PRRC2B: variants seen among roughly 807,000 people sequenced by gnomAD.
The protein encoded by PRRC2B is proline rich coiled-coil 2B.
A neutral mutation model predicts 242.3 loss-of-function variants in PRRC2B; 68 were observed. That is an observed-to-expected ratio of 0.28 (90% CI 0.23 to 0.34). The LOEUF (loss-of-function observed/expected upper bound fraction) is 0.34. Ranked by LOEUF, PRRC2B falls within the 10% of genes least tolerant of loss-of-function variation. The probability of loss-of-function intolerance (pLI) is 1.00; values close to 1 mark genes in which losing one functional copy is unlikely to be tolerated. For synonymous variants in PRRC2B, 1,228 were observed against 1,173.6 expected (o/e 1.05, Z -0.95); for missense variants, 2,835 against 2,954.8 (o/e 0.96, Z 0.94).
intron 1 of PRRC2B, among the ~76,000 whole-genome samples, chr9:131,383,043 T>TC (rs34901643): frequency 6.6e-6 from 1 of 152,082 alleles, no homozygotes; most frequent in African/African-American, 2.4e-5. Flanking sequence ...GCTCAGACAC[T>TC]CCCATCCCCA....
chr9:131,392,917 C>CA (rs11317627), upstream of PRRC2B, among the ~76,000 whole-genome samples: 14,801 of 91,474 alleles, frequency 0.16, 993 homozygotes, highest in South Asian at 0.27. Flanking sequence ...GAGACTGTCT[C>CA]AAAAAAAAAA....
chr9:131,488,090 C>A lies in PRRC2B; in HGVS notation c.6219C>A (p.Leu2073=). 1 of 1,612,480 alleles carries A rather than the reference C, an allele frequency of 6.2e-7. No homozygotes were observed. The highest frequency in any genetic ancestry group is 1.3e-5 in the African/African-American group (1 of 75,014). The stretch of plus-strand genomic sequence containing the variant: ...CCTCCCAGATGTTGGACTCCCAGCT[C>A]CCACAGGTCAGGAATTCAGTCACTC... ...LGASQMLDSQ[L]PQLTMPLPRY... Residue 2073 remains leucine, a synonymous_variant, in exon 28 of 32, where the codon CTC becomes CTA. Coordinates refer to ENST00000683519, the MANE Select transcript of PRRC2B (RefSeq NM_013318.4).
chr9:131,394,870 C>G (rs1172160039), intron 1 of PRRC2B, among the ~76,000 whole-genome samples: 1 of 151,696 alleles, frequency 6.6e-6, no homozygotes, highest in Non-Finnish European at 1.5e-5. Context: ...AGTGCGGGAA[C>G]CAGAGGGTTA....
intron 11 of PRRC2B, among the ~76,000 whole-genome samples, chr9:131,464,162 G>A (rs1464123731): frequency 3.9e-5 from 6 of 152,214 alleles, no homozygotes; most frequent in East Asian, 1.9e-4. Flanking sequence ...GGCTGGTCTC[G>A]AACTCCTGAC....
chr9:131,478,695 G>A lies in PRRC2B; in HGVS notation c.4758+76G>A, dbSNP rs543604910. 49 of 1,064,978 alleles carry A rather than the reference G, an allele frequency of 4.6e-5. No individual in the cohort carries two copies. In the African/African-American group the frequency reaches 7.7e-4, roughly 17 times the overall value. The allele number at this position is 1,064,978 out of a possible 1,614,324, so 66.0% of individuals were successfully genotyped here. ...TGCCCAGGAAACCCAGAGCCAGAGG[G>A]TAAGGGAGTTCTCGGTCAAGCTCAA... On this transcript the variant is annotated intron_variant, in intron 18 of 31. Transcript: ENST00000683519.
Position 131,475,136 on chromosome 9 carries a change from T to A in PRRC2B, c.3007T>A (p.Leu1003Met). Residue 1003 changes from leucine to methionine, a missense_variant, in exon 16 of 32, where the codon TTG (leucine) becomes ATG (methionine). Around this residue, in one of 7 missense-constraint regions of PRRC2B, gnomAD observed 1,536 missense variants for 1,483.1 expected, o/e 1.04. Coordinates refer to ENST00000683519, the MANE Select transcript of PRRC2B (RefSeq NM_013318.4). ...ASLANSSTTT[L>M]EDKGPGHATF... is the part of the protein sequence containing the mutation. ...TCTGGCCAACTCCTCCACCACCACT[T>A]TGGAGGACAAAGGCCCTGGCCATGC... 2.5e-6 allele frequency: 4 copies of A among 1,612,894 alleles called. No homozygotes were observed. Among genetic ancestry groups the A allele is most frequent in the Non-Finnish European group, 2.5e-6 (3 of 1,179,468 alleles).
At position 131,439,188 on chromosome 9, in the gene PRRC2B, G is replaced by A. The variant is rs145672572; in HGVS notation, c.469+127G>A. 1,543 of 750,120 alleles carry A rather than the reference G, an allele frequency of 2.1e-3. 4 individuals are homozygous for A. The highest frequency in any genetic ancestry group is 2.8e-3 in the Non-Finnish European group (1,222 of 433,398). 46.5% of individuals were successfully genotyped at this position (750,120 alleles called of 1,614,324 possible). A position where few individuals can be genotyped will look rare whatever the true frequency, so the allele number is the denominator to read the frequency against. ...GGACTCTCTTCCACAAAGAGGTACC[G>A]TCTATGGAGCCCTTGCCTGTGCACA... On this transcript the variant is annotated intron_variant, in intron 5 of 31. Coordinates refer to ENST00000683519, the MANE Select transcript of PRRC2B (RefSeq NM_013318.4).
chr9:131,427,844 T>C (rs1282595629), intron 1 of PRRC2B, among the ~76,000 whole-genome samples: 3 of 152,246 alleles, frequency 2.0e-5, no homozygotes, highest in Non-Finnish European at 1.5e-5. Flanking sequence ...ATGTTAAACA[T>C]ATGCCTTAAT....
chr9:131,419,626 G>C (rs1837744326), intron 1 of PRRC2B, among the ~76,000 whole-genome samples: 1 of 152,202 alleles, frequency 6.6e-6, no homozygotes, highest in Admixed American at 6.5e-5. Context: ...CTGAGGACAA[G>C]TGCTGGGTCA....
Position 131,408,721 on chromosome 9 carries a change from C to CT in PRRC2B, c.-52+14472dup, listed in dbSNP as rs554150264. Among the ~76,000 whole-genome samples the CT allele has an allele frequency of 3.4e-3, 484 of 143,686 alleles. 2 individuals are homozygous for CT. The highest frequency in any genetic ancestry group is 0.012 in the South Asian group (53 of 4,496). 94.3% of individuals were successfully genotyped at this position (143,686 alleles called of 152,430 possible). A position where few individuals can be genotyped will look rare whatever the true frequency, so the allele number is the denominator to read the frequency against. On this transcript the variant is annotated intron_variant, in intron 1 of 31. Transcript: ENST00000683519. ...TGTTTTCTTGTGCACACATTAGTATCTTTTTTTTTTTTTTGAGACAGAGTT... is the reference window on the plus strand; with the variant it reads ...TGTTTTCTTGTGCACACATTAGTATCTTTTTTTTTTTTTTTGAGACAGAGTT...
chr9:131,478,663 T>C, intron 18 of PRRC2B, 44 bp downstream of exon 18: 1 of 1,392,966 alleles, frequency 7.2e-7, no homozygotes. Flanking sequence ...GAGGGCAGGC[T>C]GGCAGATGCC....
At chr9:131,447,878 C>T in intron 9 of PRRC2B, 74 bp downstream of exon 9, 2 of 1,469,656 alleles carry the variant, frequency 1.4e-6, no homozygotes, top group Non-Finnish European at 1.8e-6. Flanking sequence ...ATGGAAACCC[C>T]CTGGCACCAC....
At chr9:131,426,828 CCACT>C (rs1837989142) in intron 1 of PRRC2B, among the ~76,000 whole-genome samples, 1 of 152,204 alleles carries the variant, frequency 6.6e-6, no homozygotes, top group African/African-American at 2.4e-5. Context: ...TTGGGCTTGG[CCACT>C]GAATGTGGGC....
rs36119236 is a variant in PRRC2B, at chr9:131,429,261, TTGAGTGAG to T, written c.-51-805_-51-798del. Among the ~76,000 whole-genome samples, 527 of 151,878 alleles carry T rather than the reference TTGAGTGAG, an allele frequency of 3.5e-3. 1 individual carries two copies. Among genetic ancestry groups the T allele is most frequent in the Non-Finnish European group, 5.0e-3 (340 of 67,934 alleles). On this transcript the variant is annotated intron_variant, in intron 1 of 31. Coordinates refer to ENST00000683519, the MANE Select transcript of PRRC2B (RefSeq NM_013318.4). The stretch of plus-strand genomic sequence containing the variant: ...CACGCCCAGCCAGGCGCTTAGTATT[TTGAGTGAG>T]TGAGTGAGTGAGTGAGTGAGTGAGT...
At chr9:131,420,952 A>G (rs2131310514) in intron 1 of PRRC2B, among the ~76,000 whole-genome samples, 1 of 152,290 alleles carries the variant, frequency 6.6e-6, no homozygotes, top group South Asian at 2.1e-4. Flanking sequence ...CAATGTATTC[A>G]TGTCCATACT....
chr9:131,477,836 G>T lies in PRRC2B; in HGVS notation c.4499G>T (p.Ser1500Ile). The T allele has an allele frequency of 6.2e-7, 1 of 1,613,756 alleles. No homozygotes were observed. Among genetic ancestry groups the T allele is most frequent in the Non-Finnish European group, 8.5e-7 (1 of 1,179,778 alleles). The change falls in exon 17 of 32, where the codon AGT (serine) becomes ATT (isoleucine). Residue 1500 changes from serine (S) to isoleucine (I), a missense_variant. Ser to Ile is a moderately radical substitution (Grantham distance 142, BLOSUM62 -2). Coordinates refer to ENST00000683519, the MANE Select transcript of PRRC2B (RefSeq NM_013318.4). The stretch of plus-strand genomic sequence containing the variant: ...GCCCTGGAGCGGGCAGCCCATGCCA[G>T]TGCTGACCTTCCCGAAGCCTCCAGT... ...PYALERAAHASADLPEASSKK... is the reference protein window; with the variant it reads ...PYALERAAHAIADLPEASSKK...
At position 131,480,573 on chromosome 9, in the gene PRRC2B, G is replaced by T. The variant is rs938145231; in HGVS notation, c.4901-1153G>T. Among the ~76,000 whole-genome samples, 4 of 152,020 alleles carry T rather than the reference G, an allele frequency of 2.6e-5. No individual in the cohort carries two copies. In the East Asian group the frequency reaches 7.7e-4, roughly 29 times the overall value. ...TCTCAGACCAGGGGTTGTGTCCAAG[G>T]GATGGCTTCAGAGAGCCCTTGGATA... On this transcript the variant is annotated intron_variant, in intron 19 of 31. Transcript: ENST00000683519.
chr9:131,376,700 T>A (rs1004660350), intron 1 of PRRC2B, among the ~76,000 whole-genome samples: 1 of 152,146 alleles, frequency 6.6e-6, no homozygotes, highest in Non-Finnish European at 1.5e-5. Context: ...AAAACCCACT[T>A]GGGACTGCTG....
At chr9:131,450,758 T>C (rs1255515920) in intron 9 of PRRC2B, among the ~76,000 whole-genome samples, 1 of 151,838 alleles carries the variant, frequency 6.6e-6, no homozygotes, top group Non-Finnish European at 1.5e-5. Flanking sequence ...CTACTAATTG[T>C]TGTATTTTTA....
Sources: gnomAD v4.1 joint callset for allele counts (sites outside exome capture counted in the v4.1 genomes callset) on GRCh38, gnomAD v4.1.1 for gene constraint, gnomAD v4.1.1 regional missense constraint, MANE v1.5 for transcripts, NCBI Gene and HGNC (gene_info 2026-07-23, HGNC 2026-07-21) for gene names.